The following EYA1 variants were observed in gnomAD, a reference collection of about 807,000 sequenced individuals.
The protein encoded by EYA1 is protein phosphatase EYA1.
In EYA1, 16 loss-of-function variants were observed where a neutral mutation model predicts 82.0. The observed-to-expected ratio is 0.20, with a 90% CI of 0.13 to 0.30. The LOEUF (loss-of-function observed/expected upper bound fraction) is 0.30. Among genes scored for constraint, EYA1 ranks in the 10% least tolerant of loss-of-function variants. The pLI is 1.00. For missense variants in EYA1, 633 were observed against 730.7 expected (o/e 0.87, Z 1.54); for synonymous variants, 261 against 264.4 (o/e 0.99, Z 0.12).
intron 2 of EYA1, among the ~76,000 whole-genome samples, chr8:71,452,275 C>T (rs1022812737): frequency 1.3e-5 from 2 of 152,314 alleles, no homozygotes; most frequent in Middle Eastern, 3.4e-3. Context: ...GGCCAAGAAG[C>T]TTGAACTGGG....
intron 9 of EYA1, among the ~76,000 whole-genome samples, chr8:71,290,304 C>A (rs1458769977): frequency 6.6e-6 from 1 of 152,136 alleles, no homozygotes; most frequent in Non-Finnish European, 1.5e-5. Context: ...AAAAACTGAA[C>A]CAGTAAATGC....
intron 11 of EYA1, among the ~76,000 whole-genome samples, chr8:71,245,474 C>T: frequency 6.6e-6 from 1 of 151,984 alleles, no homozygotes; most frequent in Non-Finnish European, 1.5e-5. Flanking sequence ...GATCCGCCTG[C>T]CTCAGCCTCC....
chr8:71,210,123 A>G (rs10957541), intron 17 of EYA1, among the ~76,000 whole-genome samples: 20,801 of 152,230 alleles, frequency 0.14, 2,353 homozygotes, highest in East Asian at 0.58. Flanking sequence ...GAACTTGTTC[A>G]AAGTCACAGG....
intron 2 of EYA1, among the ~76,000 whole-genome samples, chr8:71,519,394 A>C (rs1382554195): frequency 6.6e-6 from 1 of 152,202 alleles, no homozygotes; most frequent in African/African-American, 2.4e-5. Flanking sequence ...TTAGATGGCA[A>C]TAAATCAAAG....
At chr8:71,272,021 C>T (rs1215723092) in intron 9 of EYA1, 124 bp from the exon 10 acceptor site, 2 of 1,022,258 alleles carry the variant, frequency 2.0e-6, no homozygotes, top group Non-Finnish European at 3.1e-6. Flanking sequence ...TGAAATCCTA[C>T]ATCGTCTTTT....
At chr8:71,366,423 T>C (rs1827759349), upstream of EYA1, among the ~76,000 whole-genome samples, 1 of 152,222 alleles carries the variant, frequency 6.6e-6, no homozygotes, top group Admixed American at 6.5e-5. Flanking sequence ...TTTCTCGCGC[T>C]GTGAAATGGG....
chr8:71,533,726 T>G (rs10101785), intron 2 of EYA1, among the ~76,000 whole-genome samples: 15,648 of 152,152 alleles, frequency 0.1, 2,738 homozygotes, highest in African/African-American at 0.35. Flanking sequence ...CTCACCCAAG[T>G]CCTCACACGA....
chr8:71,319,389 C>G (rs1822281180), intron 6 of EYA1, among the ~76,000 whole-genome samples: 1 of 152,164 alleles, frequency 6.6e-6, no homozygotes. Flanking sequence ...CTCAGCCTCC[C>G]AAAGTGCTGG....
intron 2 of EYA1, among the ~76,000 whole-genome samples, chr8:71,467,671 A>C (rs1051298815): frequency 6.6e-6 from 1 of 152,156 alleles, no homozygotes; most frequent in African/African-American, 2.4e-5. Flanking sequence ...TGGGGTTGAA[A>C]GCATATCAAA....
chr8:71,357,617 G>T lies in EYA1; in HGVS notation c.-54-1106C>A, dbSNP rs75350720. On this transcript the variant is annotated intron_variant, in intron 1 of 17. Transcript: ENST00000340726. ...GATGAGAACTAAAGCATCTCGAATG[G>T]CATTACAGTTATCCAACCAAACGTC... Among the ~76,000 whole-genome samples, 1,398 of 152,204 alleles carry T rather than the reference G, an allele frequency of 9.2e-3. 22 individuals carry two copies. The highest frequency in any genetic ancestry group is 0.031 in the African/African-American group (1,299 of 41,516).
At chr8:71,271,936 A>G (rs1193214732) in intron 9 of EYA1, 39 bp from the exon 10 acceptor site, 6 of 1,612,344 alleles carry the variant, frequency 3.7e-6, no homozygotes, top group African/African-American at 1.3e-5. Context: ...TTTTATTTCC[A>G]TCACCATGGT....
chr8:71,514,005 G>A (rs1356500420), intron 2 of EYA1, among the ~76,000 whole-genome samples: 3 of 152,050 alleles, frequency 2.0e-5, no homozygotes, highest in Non-Finnish European at 4.4e-5. Context: ...CTGTGTATAT[G>A]TACCACGTTT....
rs560197083 is a variant in EYA1, at chr8:71,509,152, C to T, written c.33+26592G>A. On this transcript the variant is annotated intron_variant, in intron 2 of 18. Transcript: ENST00000643681. Reference sequence around the variant, plus strand: ...GTAGAGGCCAGAGAATCCCTTGAGCCCAAGACGTTGAGGCTGCAGTGAGCC... The same window carrying T: ...GTAGAGGCCAGAGAATCCCTTGAGCTCAAGACGTTGAGGCTGCAGTGAGCC... Among the ~76,000 whole-genome samples, 446 of 152,054 alleles carry T rather than the reference C, an allele frequency of 2.9e-3. 7 individuals are homozygous for T. Among genetic ancestry groups the T allele is most frequent in the Non-Finnish European group, 1.9e-3 (132 of 67,982 alleles).
chr8:71,237,661 C>A (rs981686176), intron 12 of EYA1, among the ~76,000 whole-genome samples: 1 of 152,092 alleles, frequency 6.6e-6, no homozygotes, highest in Non-Finnish European at 1.5e-5. Flanking sequence ...ATAAGACAGT[C>A]AACATATATT....
At chr8:71,313,263 C>G (rs778218209) in intron 7 of EYA1, among the ~76,000 whole-genome samples, 10 of 152,124 alleles carry the variant, frequency 6.6e-5, no homozygotes, top group Admixed American at 3.3e-4. Context: ...TCCATGCCAG[C>G]ATATTAATTA....
intron 12 of EYA1, among the ~76,000 whole-genome samples, chr8:71,231,731 T>C (rs1404462888): frequency 6.6e-6 from 1 of 152,232 alleles, no homozygotes; most frequent in Admixed American, 6.5e-5. Flanking sequence ...TAGCTCTTTT[T>C]AGTCTGTGAT....
At chr8:71,501,500 T>C (rs1181628268) in intron 2 of EYA1, among the ~76,000 whole-genome samples, 1 of 152,174 alleles carries the variant, frequency 6.6e-6, no homozygotes, top group Non-Finnish European at 1.5e-5. Flanking sequence ...AAAAGAAAAT[T>C]GTATGGCATT....
chr8:71,489,148 G>C (rs1810799625), intron 2 of EYA1, among the ~76,000 whole-genome samples: 1 of 152,106 alleles, frequency 6.6e-6, no homozygotes, highest in Non-Finnish European at 1.5e-5. Flanking sequence ...TGAACTTCCT[G>C]GTGGTCAGAA....
chr8:71,450,394 G>A (rs1198091175), intron 2 of EYA1, among the ~76,000 whole-genome samples: 2 of 152,126 alleles, frequency 1.3e-5, no homozygotes, highest in Non-Finnish European at 2.9e-5. Context: ...CAGGGAATAG[G>A]GAGGCCTGAG....
Sources: allele counts gnomAD v4.1 joint callset (sites outside exome capture counted in the v4.1 genomes callset), GRCh38; gene constraint gnomAD v4.1.1; transcripts MANE v1.5; gene names NCBI Gene and HGNC (gene_info 2026-07-23, HGNC 2026-07-21).